PCDHGB7: variants seen among roughly 807,000 people sequenced by gnomAD.
PCDHGB7 encodes the protein protocadherin gamma-B7.
A neutral mutation model predicts 61.4 loss-of-function variants in PCDHGB7; 37 were observed. The ratio of observed to expected loss-of-function variants is 0.60; its 90% CI spans 0.46 to 0.79. The LOEUF (loss-of-function observed/expected upper bound fraction) is 0.79. Among genes scored for constraint, PCDHGB7 ranks in the 30% least tolerant of loss-of-function variants. PCDHGB7 has a pLI of 0.00. For synonymous variants in PCDHGB7, 464 were observed against 503.5 expected, an observed-to-expected ratio of 0.92 and a Z score of 1.05; for missense variants, 1,166 against 1,202.5, an observed-to-expected ratio of 0.97 and a Z score of 0.45.
Position 141,487,642 on chromosome 5 carries a change from G to A in PCDHGB7, c.2416-7165G>A, listed in dbSNP as rs747328649. 1.2e-6 allele frequency: 2 copies of A among 1,614,130 alleles called. No individual in the cohort carries two copies. The highest frequency in any genetic ancestry group is 1.3e-5 in the African/African-American group (1 of 75,062). On this transcript the variant is annotated intron_variant, in intron 1 of 3. Transcript: ENST00000398594. This position sits in a 1 kb window ranked among gnomAD's most constrained non-coding sequence, Gnocchi z 5.0. ...TGAGACCTTTGCAGGCTCAACAAAT[G>A]CTTGAGGGTTATTCTGATCCAGGCA...
chr5:141,431,401 C>T lies in PCDHGB7; in HGVS notation c.2415+11127C>T. ...CTGCTCACCACCTGGTCCTTACGGC[C>T]TCCGACGGGGGCGACCCGGTGCGCA... On this transcript the variant is annotated intron_variant, in intron 1 of 3. Transcript: ENST00000398594. The surrounding 1 kb of genome is among the most constrained non-coding windows in gnomAD (Gnocchi z 4.8). 2 of 1,613,800 alleles carry T rather than the reference C, an allele frequency of 1.2e-6. No homozygotes were observed. Among genetic ancestry groups the T allele is most frequent in the Admixed American group, 1.7e-5 (1 of 60,036 alleles).
In PCDHGB7 at chr5:141,477,279, C is replaced by T. The variant is rs2099408674; in HGVS notation, c.2416-17528C>T. ...GATGCTGGCGAGAACGGGCTGGTGA[C>T]CTGCGAAGTTCCACCGGGTCTCCCT... is the stretch of plus-strand genomic sequence containing the variant. On this transcript the variant is annotated intron_variant, in intron 1 of 3. Transcript: ENST00000398594. The surrounding 1 kb of genome is among the most constrained non-coding windows in gnomAD (Gnocchi z 4.9). 6.2e-7 allele frequency: 1 copy of T among 1,614,054 alleles called. No individual in the cohort carries two copies. Among genetic ancestry groups the T allele is most frequent in the Non-Finnish European group, 8.5e-7 (1 of 1,180,050 alleles).
chr5:141,478,337 T>C (rs766980546), intron 1 of PCDHGB7: 1 of 1,613,942 alleles, frequency 6.2e-7, no homozygotes, highest in Non-Finnish European at 8.5e-7. Context: ...ACCAGGGCCC[T>C]CCTTGCACGC....
At chr5:141,421,973 G>C in intron 1 of PCDHGB7, 1 of 1,610,100 alleles carries the variant, frequency 6.2e-7, no homozygotes, top group Non-Finnish European at 8.5e-7. Context: ...TCCGTATATC[G>C]CGTGAGTGTT....
intron 1 of PCDHGB7, among the ~76,000 whole-genome samples, chr5:141,444,203 C>A (rs2098425806): frequency 1.3e-5 from 1 of 79,180 alleles, no homozygotes; most frequent in Admixed American, 2.0e-4. Context: ...TGGAGTTTCA[C>A]TCTTGTTGCC....
At position 141,486,646 on chromosome 5, in the gene PCDHGB7, C is replaced by T; in HGVS notation, c.2416-8161C>T. On this transcript the variant is annotated intron_variant, in intron 1 of 3. Transcript: ENST00000398594. The surrounding 1 kb of genome is among the most constrained non-coding windows in gnomAD (Gnocchi z 5.0). ...ACTCTGGCTTGAATGCGCTTATCTC[C>T]TACTCACTCCTGGAGCCCAGGAATC... is the stretch of plus-strand genomic sequence containing the variant. 4.3e-6 allele frequency: 7 copies of T among 1,613,916 alleles called. No individual in the cohort carries two copies. Among genetic ancestry groups the T allele is most frequent in the African/African-American group, 1.3e-5 (1 of 75,058 alleles).
In PCDHGB7 at chr5:141,485,233, C is replaced by T; in HGVS notation, c.2416-9574C>T. 1.2e-6 allele frequency: 2 copies of T among 1,614,182 alleles called. No individual in the cohort carries two copies. The highest frequency in any genetic ancestry group is 1.7e-6 in the Non-Finnish European group (2 of 1,180,030). ...GGCGGTGGGCTACCCTTTTGTTCCTCTTTTACCACCTGGGTTACGTTTGTG... is the reference window on the plus strand; with the variant it reads ...GGCGGTGGGCTACCCTTTTGTTCCTTTTTTACCACCTGGGTTACGTTTGTG... On this transcript the variant is annotated intron_variant, in intron 1 of 3. Transcript: ENST00000398594. This position sits in a 1 kb window ranked among gnomAD's most constrained non-coding sequence, Gnocchi z 5.7.
At position 141,425,978 on chromosome 5, in the gene PCDHGB7, A is replaced by T. The variant is rs182438141; in HGVS notation, c.2415+5704A>T. Among the ~76,000 whole-genome samples the T allele has an allele frequency of 3.9e-3, 592 of 152,340 alleles. 5 individuals carry two copies. Among genetic ancestry groups the T allele is most frequent in the African/African-American group, 0.014 (563 of 41,588 alleles). ...AGTCCAACACATCAGTCTAATTCTG[A>T]ATCCCATTGAATTAGCAAAGGCTTC... On this transcript the variant is annotated intron_variant, in intron 1 of 3. Coordinates refer to ENST00000398594, the MANE Select transcript of PCDHGB7 (RefSeq NM_018927.4).
intron 1 of PCDHGB7, chr5:141,478,773 T>C (rs975950601): frequency 1.3e-6 from 2 of 1,496,766 alleles, no homozygotes; most frequent in African/African-American, 2.8e-5. Context: ...GACTCATCTG[T>C]GGACCTAATT....
chr5:141,491,006 T>C lies in PCDHGB7; in HGVS notation c.2416-3801T>C. The C allele has an allele frequency of 6.2e-7, 1 of 1,614,062 alleles. No homozygotes were observed. Among genetic ancestry groups the C allele is most frequent in the Non-Finnish European group, 8.5e-7 (1 of 1,180,028 alleles). ...CGCTCTGCTCCTCCTGGCTCCTTGG[T>C]CACCAAGGTGACAGCCGTGGATGCT... On this transcript the variant is annotated intron_variant, in intron 1 of 3. Transcript: ENST00000398594. This position sits in a 1 kb window ranked among gnomAD's most constrained non-coding sequence, Gnocchi z 6.9.
intron 1 of PCDHGB7, among the ~76,000 whole-genome samples, chr5:141,483,526 G>A (rs2099582495): frequency 6.6e-6 from 1 of 152,118 alleles, no homozygotes; most frequent in African/African-American, 2.4e-5. Flanking sequence ...TCCTGACTAA[G>A]GAAGCTGGGT....
rs1275819200 is a variant in PCDHGB7, at chr5:141,491,620, A to G, written c.2416-3187A>G. 5 of 1,613,788 alleles carry G rather than the reference A, an allele frequency of 3.1e-6. No individual in the cohort carries two copies. Among genetic ancestry groups the G allele is most frequent in the Non-Finnish European group, 4.2e-6 (5 of 1,180,014 alleles). On this transcript the variant is annotated intron_variant, in intron 1 of 3. Coordinates refer to ENST00000398594, the MANE Select transcript of PCDHGB7 (RefSeq NM_018927.4). The surrounding 1 kb of genome is among the most constrained non-coding windows in gnomAD (Gnocchi z 6.9). ...TGACTTCACTTTTCTAAGACCCCTC[A>G]GCGTTCAGCAGCCCACAGCTCTGGC...
intron 3 of PCDHGB7, among the ~76,000 whole-genome samples, chr5:141,510,329 A>G (rs1433056614): frequency 6.7e-6 from 1 of 150,230 alleles, no homozygotes; most frequent in South Asian, 2.1e-4. Context: ...AGCACTCTTC[A>G]CCCCCACCCC....
At position 141,431,140 on chromosome 5, in the gene PCDHGB7, C is replaced by T. The variant is rs145692116; in HGVS notation, c.2415+10866C>T. 2.4e-5 allele frequency: 38 copies of T among 1,614,208 alleles called. No individual in the cohort carries two copies. Among genetic ancestry groups the T allele is most frequent in the Admixed American group, 3.3e-5 (2 of 60,038 alleles). On this transcript the variant is annotated intron_variant, in intron 1 of 3. Coordinates refer to ENST00000398594, the MANE Select transcript of PCDHGB7 (RefSeq NM_018927.4). This position sits in a 1 kb window ranked among gnomAD's most constrained non-coding sequence, Gnocchi z 4.8. ...TAGAAGTAGAAGTAAGGGACATTAA[C>T]GACAATGCGCCTTACTTTCGTGAAA...
chr5:141,481,897 G>A (rs916673176), intron 1 of PCDHGB7, among the ~76,000 whole-genome samples: 3 of 128,712 alleles, frequency 2.3e-5, no homozygotes, highest in South Asian at 5.0e-4. Context: ...CTGGGTGAAA[G>A]AGCGAAACTC....
chr5:141,421,403 A>G, intron 1 of PCDHGB7: 1 of 1,614,054 alleles, frequency 6.2e-7, no homozygotes, highest in Non-Finnish European at 8.5e-7. Context: ...GAGCCCCGGG[A>G]GCTGGCGAAG....
rs779686795 is a variant in PCDHGB7, at chr5:141,476,566, G to A, written c.2416-18241G>A. On this transcript the variant is annotated intron_variant, in intron 1 of 3. Coordinates refer to ENST00000398594, the MANE Select transcript of PCDHGB7 (RefSeq NM_018927.4). The surrounding 1 kb of genome is among the most constrained non-coding windows in gnomAD (Gnocchi z 7.6). ...TGGAGATTAGCGAGGCCGTGGCTCC[G>A]GGGACGCGCTTTCCGCTCGAGAGCG... The A allele has an allele frequency of 1.2e-6, 2 of 1,614,062 alleles. No homozygotes were observed. Among genetic ancestry groups the A allele is most frequent in the East Asian group, 2.2e-5 (1 of 44,872 alleles).
chr5:141,456,122 C>A (rs1411002229), intron 1 of PCDHGB7, among the ~76,000 whole-genome samples: 1 of 152,176 alleles, frequency 6.6e-6, no homozygotes, highest in East Asian at 1.9e-4. Context: ...TGGTCTCCAT[C>A]TCCTGACCTC....
chr5:141,419,422 C>T lies in PCDHGB7; in HGVS notation c.1563C>T (p.Asp521=), dbSNP rs374564347. 5.6e-6 allele frequency: 9 copies of T among 1,613,378 alleles called. No homozygotes were observed. Among genetic ancestry groups the T allele is most frequent in the Non-Finnish European group, 7.6e-6 (9 of 1,179,868 alleles). ...TGGTGTTCGCGCAGCGCGCCTTCGA[C>T]CACGAGCAGCTGCGCACCTTCGAGC... ...SGVVFAQRAF[D]HEQLRTFELT... The change falls in exon 1 of 4, where the codon GAC becomes GAT. Residue 521 remains aspartate, a synonymous_variant. Transcript: ENST00000398594.
Sources: allele counts gnomAD v4.1 joint callset (sites outside exome capture counted in the v4.1 genomes callset), GRCh38; gene constraint gnomAD v4.1.1; non-coding constraint Gnocchi (gnomAD v3.1); transcripts MANE v1.5; gene names NCBI Gene and HGNC (gene_info 2026-07-23, HGNC 2026-07-21).